Variants in UBE3A observed in about 807,000 individuals in gnomAD.
UBE3A encodes ubiquitin-protein ligase E3A.
UBE3A carries 6 observed loss-of-function variants against 83.4 expected under a neutral mutation model. The observed-to-expected ratio is 0.07, with a 90% CI of 0.04 to 0.14. The LOEUF is 0.14. UBE3A is among the 10% of genes least tolerant of loss of function. UBE3A has a pLI of 1.00. For synonymous variants in UBE3A, 337 were observed against 355.4 expected, an observed-to-expected ratio of 0.95 and a Z score of 0.58; for missense variants, 456 against 1,036.1, an observed-to-expected ratio of 0.44 and a Z score of 7.69.
intron 1 of UBE3A, among the ~76,000 whole-genome samples, chr15:25,415,137 C>T (rs2090637335): frequency 6.6e-6 from 1 of 152,164 alleles, no homozygotes; most frequent in Non-Finnish European, 1.5e-5. Flanking sequence ...ATCTCTTACT[C>T]CTTTTTTCCT....
At position 25,337,108 on chromosome 15, in the gene UBE3A, T is replaced by G. The variant is rs547827887; in HGVS notation, c.*2029A>C. ...AGGTTCATTCTGACTCTGTTAAAAG[T>G]CTACTTGATGTGAACAACTCTATAT... On this transcript the variant is annotated 3_prime_UTR_variant, in exon 13 of 13. Coordinates refer to ENST00000648336, the MANE Select transcript of UBE3A (RefSeq NM_130839.5). The G allele has an allele frequency of 5.3e-5, 8 of 152,290 alleles. No individual in the cohort carries two copies. Among genetic ancestry groups the G allele is most frequent in the Non-Finnish European group, 8.8e-5 (6 of 68,000 alleles). 9.4% of individuals were successfully genotyped at this position (152,290 alleles called of 1,614,324 possible). A position where few individuals can be genotyped will look rare whatever the true frequency, so the allele number is the denominator to read the frequency against.
Position 25,334,208 on chromosome 15 carries a change from AAAG to A in UBE3A, c.*4926_*4928del, listed in dbSNP as rs1390443800. On this transcript the variant is annotated 3_prime_UTR_variant, in exon 13 of 13. Transcript: ENST00000648336. The stretch of plus-strand genomic sequence containing the variant: ...ATGCAAAAAATACTAAGTGACAAAA[AAAG>A]AATTTTAGAAAAGCTACAATATACA... 6.6e-6 allele frequency: 1 copy of A among 152,140 alleles called. No individual in the cohort carries two copies. The highest frequency in any genetic ancestry group is 1.5e-5 in the Non-Finnish European group (1 of 68,038). The allele number at this position is 152,140 out of a possible 1,614,324, so 9.4% of individuals were successfully genotyped here.
chr15:25,417,216 G>A (rs1417684625), intron 1 of UBE3A, among the ~76,000 whole-genome samples: 8 of 152,056 alleles, frequency 5.3e-5, no homozygotes, highest in Non-Finnish European at 1.5e-5. Context: ...GGAGCATTTA[G>A]TAAAGACTCA....
chr15:25,407,147 G>T (rs1372779700), intron 3 of UBE3A: 1 of 1,349,774 alleles, frequency 7.4e-7, no homozygotes, highest in Non-Finnish European at 9.8e-7. Context: ...GCTAAAAATT[G>T]ATGATAACCC....
intron 8 of UBE3A, 85 bp from the exon 9 acceptor site, chr15:25,356,141 CA>C (rs1210072225): frequency 1.3e-6 from 2 of 1,505,782 alleles, no homozygotes; most frequent in Non-Finnish European, 1.8e-6. Flanking sequence ...TAGAAGACAA[CA>C]AAAATCTTAT....
At chr15:25,399,088 A>G (rs1596154614) in intron 4 of UBE3A, among the ~76,000 whole-genome samples, 1 of 151,754 alleles carries the variant, frequency 6.6e-6, no homozygotes, top group South Asian at 2.1e-4. Flanking sequence ...AGTTCCTTAT[A>G]TATTTTGCAT....
At chr15:25,421,843 T>C (rs979110713) in intron 1 of UBE3A, 1 of 152,186 alleles carries the variant, frequency 6.6e-6, no homozygotes, top group Non-Finnish European at 1.5e-5. Context: ...GGAACTCTCA[T>C]ACACTGATGA....
At chr15:25,430,842 T>C (rs1893241663) in intron 1 of UBE3A, among the ~76,000 whole-genome samples, 1 of 152,172 alleles carries the variant, frequency 6.6e-6, no homozygotes, top group African/African-American at 2.4e-5. Context: ...GAGATCCATC[T>C]ATTTTTAAAT....
In UBE3A at chr15:25,371,347, C is replaced by T. The variant is rs200496882; in HGVS notation, c.827G>A (p.Arg276Gln). The T allele has an allele frequency of 2.5e-5, 40 of 1,613,894 alleles. No homozygotes were observed. Among genetic ancestry groups the T allele is most frequent in the Non-Finnish European group, 3.3e-5 (39 of 1,179,980 alleles). ...CDLTYHNVYS[R>Q]DPNYLNLFII... Reference sequence around the variant, plus strand: ...GAACAAATTCAGATAATTAGGATCTCGAGAGTATACATTGTGATACGTCAA... The same window carrying T: ...GAACAAATTCAGATAATTAGGATCTTGAGAGTATACATTGTGATACGTCAA... The change falls in exon 6 of 13, where the codon CGA becomes CAA. Residue 276 changes from arginine (R) to glutamine (Q), a missense_variant. Arg to Gln is a conservative substitution (Grantham distance 43, BLOSUM62 1). This residue lies in a region of UBE3A where 40 missense variants were observed against 124.8 expected (regional missense o/e 0.32). Coordinates refer to ENST00000648336, the MANE Select transcript of UBE3A (RefSeq NM_130839.5). This position sits in a 1 kb window ranked among gnomAD's most constrained non-coding sequence, Gnocchi z 5.3.
At chr15:25,426,476 T>G (rs1050788233) in intron 1 of UBE3A, among the ~76,000 whole-genome samples, 3 of 152,222 alleles carry the variant, frequency 2.0e-5, no homozygotes, top group African/African-American at 7.2e-5. Flanking sequence ...CACAAAAGAC[T>G]TATAATGCAA....
intron 6 of UBE3A, among the ~76,000 whole-genome samples, chr15:25,364,024 T>C (rs1236360709): frequency 7.6e-6 from 1 of 132,008 alleles, no homozygotes; most frequent in Non-Finnish European, 1.6e-5. Flanking sequence ...AAACCTTGTT[T>C]CTACAAAAAA....
chr15:25,410,948 C>CT (rs141872434), intron 2 of UBE3A, among the ~76,000 whole-genome samples: 5,807 of 152,260 alleles, frequency 0.038, 376 homozygotes, highest in African/African-American at 0.13. Context: ...TCAAACAAGT[C>CT]TAACTTTCCA....
intron 4 of UBE3A, among the ~76,000 whole-genome samples, chr15:25,379,766 C>G (rs915685053): frequency 1.3e-5 from 2 of 151,956 alleles, no homozygotes; most frequent in Non-Finnish European, 2.9e-5. Context: ...TAAGTCAAAT[C>G]GAGTCCACCA....
intron 7 of UBE3A, among the ~76,000 whole-genome samples, chr15:25,357,902 C>CCT (rs2077452751): frequency 1.0e-5 from 1 of 95,744 alleles, no homozygotes; most frequent in African/African-American, 4.5e-5. Context: ...ATCATGGAGG[C>CCT]TTTTTTTTTT....
chr15:25,409,713 T>C (rs888382582), intron 2 of UBE3A, among the ~76,000 whole-genome samples: 3 of 152,096 alleles, frequency 2.0e-5, no homozygotes, highest in African/African-American at 7.2e-5. Flanking sequence ...TGAGTAAAGA[T>C]TCAGAACACA....
At chr15:25,393,485 T>C (rs1438563572) in intron 4 of UBE3A, among the ~76,000 whole-genome samples, 2 of 152,186 alleles carry the variant, frequency 1.3e-5, no homozygotes, top group Admixed American at 1.3e-4. Context: ...TTTTTGTTAA[T>C]CTCTTTTGGG....
intron 6 of UBE3A, among the ~76,000 whole-genome samples, chr15:25,366,719 T>G (rs2079158033): frequency 5.9e-5 from 9 of 152,060 alleles, no homozygotes; most frequent in Admixed American, 5.9e-4. Context: ...TAAACATACT[T>G]GTATATCAAA....
chr15:25,408,677 G>C, intron 3 of UBE3A: 1 of 1,612,472 alleles, frequency 6.2e-7, no homozygotes, highest in South Asian at 1.1e-5. Flanking sequence ...TACCTCCACT[G>C]TAACTCTCTA....
At chr15:25,342,746 A>G (rs1262360841) in intron 11 of UBE3A, among the ~76,000 whole-genome samples, 3 of 152,198 alleles carry the variant, frequency 2.0e-5, no homozygotes, top group Admixed American at 6.5e-5. Context: ...CAGGAGCTAC[A>G]TCGAAGAGTG....
Sources: allele counts gnomAD v4.1 joint callset (sites outside exome capture counted in the v4.1 genomes callset), GRCh38; gene constraint gnomAD v4.1.1; regional missense constraint gnomAD v4.1.1; non-coding constraint Gnocchi (gnomAD v3.1); transcripts MANE v1.5; gene names NCBI Gene and HGNC (gene_info 2026-07-23, HGNC 2026-07-21).